Variants in PDE11A observed in about 807,000 individuals in gnomAD.
The protein encoded by PDE11A is phosphodiesterase 11A, also known as dual 3',5'-cyclic-AMP and -GMP phosphodiesterase 11A.
In PDE11A, 100 loss-of-function variants were observed where a neutral mutation model predicts 100.5. That is an observed-to-expected ratio of 1.00 (90% CI 0.85 to 1.18). The LOEUF (loss-of-function observed/expected upper bound fraction) is 1.18. Among genes scored for constraint, PDE11A ranks in the 50% most tolerant of loss-of-function variants. The pLI, the probability that PDE11A is intolerant of heterozygous loss-of-function variation, is 0.00. For synonymous variants in PDE11A, 381 were observed against 420.8 expected, an observed-to-expected ratio of 0.91 and a Z score of 1.16; for missense variants, 1,141 against 1,152.6, an observed-to-expected ratio of 0.99 and a Z score of 0.15.
rs757737675 is a variant in PDE11A at position 177,701,194 on chromosome 2, G to A, written c.2171C>T (p.Ala724Val). The change falls in exon 14 of 20, where the codon GCC becomes GTC. Residue 724 changes from alanine to valine, a missense_variant. By Grantham distance (64) the Ala-to-Val change is moderately conservative. Transcript: ENST00000286063. ...GGTAGCAGAGGTTCCATAGAGTTGG[G>A]CCAGGGCAGAGCCACTCCTGAAAGA... is the stretch of plus-strand genomic sequence containing the variant. Reference protein sequence around the residue: ...AFQAKSGSALAQLYGTSATLE... With the variant: ...AFQAKSGSALVQLYGTSATLE... 1 of 1,591,922 alleles carries A rather than the reference G, an allele frequency of 6.3e-7. No homozygotes were observed. The highest frequency in any genetic ancestry group is 1.7e-5 in the Admixed American group (1 of 59,960).
chr2:177,706,051 C>T (rs2081274424), intron 13 of PDE11A, among the ~76,000 whole-genome samples: 1 of 152,226 alleles, frequency 6.6e-6, no homozygotes, highest in African/African-American at 2.4e-5. Context: ...GTATTGCTGC[C>T]CTCTCTACCT....
chr2:177,790,606 T>C (rs1428078035), intron 9 of PDE11A, among the ~76,000 whole-genome samples: 1 of 152,130 alleles, frequency 6.6e-6, no homozygotes, highest in Non-Finnish European at 1.5e-5. Context: ...ACAGGCAACC[T>C]ACAAAATGGG....
chr2:178,072,947 GGCGCCTGGGTACAGGACTCC>G (rs973098957), upstream of PDE11A: 1 of 985,252 alleles, frequency 1.0e-6, no homozygotes, highest in African/African-American at 1.7e-5. Context: ...GGCCGGAATC[GGCGCCTGGGTACAGGACTCC>G]TGATTGGAAC....
At chr2:177,737,449 A>ACACACACACACACAC (rs55844103) in intron 10 of PDE11A, among the ~76,000 whole-genome samples, 285 of 148,000 alleles carry the variant, frequency 1.9e-3, no homozygotes, top group East Asian at 3.2e-3. Flanking sequence ...ACACACACAC[A>ACACACACACACACAC]AATTAGCCAG....
At chr2:177,820,320 T>G in intron 6 of PDE11A, 25 bp from the exon 7 acceptor site, 1 of 1,160,894 alleles carries the variant, frequency 8.6e-7, no homozygotes, top group Non-Finnish European at 1.3e-6. Flanking sequence ...AGAAGTTAAT[T>G]AAAATTGAAT....
intron 5 of PDE11A, among the ~76,000 whole-genome samples, chr2:177,857,905 TA>T (rs933085716): frequency 2.0e-5 from 3 of 151,858 alleles, no homozygotes; most frequent in African/African-American, 7.3e-5. Flanking sequence ...TCATATCAGA[TA>T]AAACAGTTTT....
intron 19 of PDE11A, among the ~76,000 whole-genome samples, chr2:177,649,020 T>C (rs1200593078): frequency 2.0e-5 from 3 of 152,068 alleles, no homozygotes; most frequent in African/African-American, 7.2e-5. Context: ...ATACTAAAAA[T>C]ATGATCATAC....
At chr2:177,758,296 CAA>C (rs78765770) in intron 10 of PDE11A, among the ~76,000 whole-genome samples, 205 of 64,986 alleles carry the variant, frequency 3.2e-3, no homozygotes, top group African/African-American at 0.01. Flanking sequence ...GACTCCGTCT[CAA>C]AAAAAAAAAA....
At chr2:177,681,036 C>A (rs1171611420) in intron 15 of PDE11A, 133 bp from the exon 16 acceptor site, 2 of 644,844 alleles carry the variant, frequency 3.1e-6, no homozygotes, top group Non-Finnish European at 2.7e-6. Context: ...TATTTGAAAT[C>A]ATGAGGCTAA....
In PDE11A at chr2:177,851,064, G is replaced by C. The variant is rs1336494524; in HGVS notation, c.1368-10681C>G. ...TATACCCAAAGGATTATAAATCATG[G>C]TGCTATAAAGACACATGCACACGTA... On this transcript the variant is annotated intron_variant, in intron 5 of 19. Coordinates refer to ENST00000286063, the MANE Select transcript of PDE11A (RefSeq NM_016953.4). 7.3e-3 allele frequency among the ~76,000 whole-genome samples: 1,106 copies of C among 151,822 alleles called. 12 individuals are homozygous for C. The highest frequency in any genetic ancestry group is 0.025 in the African/African-American group (1,022 of 41,318).
intron 1 of PDE11A, among the ~76,000 whole-genome samples, chr2:178,044,898 TGCTTCAGTAG>T (rs2086730645): frequency 6.6e-6 from 1 of 152,140 alleles, no homozygotes; most frequent in Admixed American, 6.6e-5. Flanking sequence ...TATTTTTGAT[TGCTTCAGTAG>T]GTATCTAGCT....
intron 2 of PDE11A, among the ~76,000 whole-genome samples, chr2:177,955,148 T>C (rs2085546585): frequency 6.6e-6 from 1 of 152,188 alleles, no homozygotes; most frequent in South Asian, 2.1e-4. Flanking sequence ...CTTAGATTTT[T>C]CCCGGGTAGG....
chr2:177,675,928 T>C, intron 16 of PDE11A: 1 of 326,916 alleles, frequency 3.1e-6, no homozygotes, highest in Admixed American at 4.2e-5. Flanking sequence ...CAACTTATCA[T>C]TGATTGATGG....
intron 1 of PDE11A, among the ~76,000 whole-genome samples, chr2:178,048,859 G>A (rs930305335): frequency 6.6e-6 from 1 of 151,988 alleles, no homozygotes; most frequent in African/African-American, 2.4e-5. Context: ...ATCTGAATTG[G>A]TTCAGGGTAG....
intron 2 of PDE11A, among the ~76,000 whole-genome samples, chr2:177,929,926 C>T (rs1404188860): frequency 6.6e-6 from 1 of 152,124 alleles, no homozygotes; most frequent in African/African-American, 2.4e-5. Flanking sequence ...ACCAGAGTTC[C>T]AGGATAAATA....
intron 4 of PDE11A, among the ~76,000 whole-genome samples, chr2:177,891,816 A>C (rs994070130): frequency 2.8e-4 from 42 of 152,328 alleles, no homozygotes; most frequent in African/African-American, 1.0e-3. Context: ...GGCCAAGTTG[A>C]GTAGCTGCAA....
intron 12 of PDE11A, among the ~76,000 whole-genome samples, chr2:177,725,082 T>C (rs2105444025): frequency 6.6e-6 from 1 of 152,254 alleles, no homozygotes; most frequent in East Asian, 1.9e-4. Context: ...GAAAGGCTTT[T>C]AGAATCTTCA....
intron 19 of PDE11A, among the ~76,000 whole-genome samples, chr2:177,633,591 T>A (rs1478776327): frequency 1.3e-5 from 2 of 152,246 alleles, no homozygotes; most frequent in African/African-American, 4.8e-5. Context: ...TTATTTCATA[T>A]GATAATAAAA....
intron 1 of PDE11A, among the ~76,000 whole-genome samples, chr2:178,020,706 G>A (rs2086396701): frequency 6.6e-6 from 1 of 152,046 alleles, no homozygotes; most frequent in African/African-American, 2.4e-5. Context: ...GCTGAGTCAG[G>A]AAAATCGATT....
Sources: gnomAD v4.1 joint callset for allele counts (sites outside exome capture counted in the v4.1 genomes callset) on GRCh38, gnomAD v4.1.1 for gene constraint, MANE v1.5 for transcripts, NCBI Gene and HGNC (gene_info 2026-07-23, HGNC 2026-07-21) for gene names.